Variants in MTUS1 observed in about 807,000 individuals in gnomAD.
The protein encoded by MTUS1 is microtubule-associated tumor suppressor 1.
A neutral mutation model predicts 120.8 loss-of-function variants in MTUS1; 109 were observed. That is an observed-to-expected ratio of 0.90 (90% CI 0.77 to 1.06). The LOEUF is 1.06. Ranked by LOEUF, MTUS1 falls within the 50% of genes least tolerant of loss-of-function variation. The pLI is 0.00. For synonymous variants in MTUS1, 737 were observed against 550.5 expected (o/e 1.34, Z -4.74); for missense variants, 2,210 against 1,486.3 (o/e 1.49, Z -8.01).
At chr8:17,770,477 G>C (rs1300742715) in intron 1 of MTUS1, 2 of 152,176 alleles carry the variant, frequency 1.3e-5, no homozygotes, top group African/African-American at 4.8e-5. Flanking sequence ...TTAAGCAAGA[G>C]ATGTCTTATT....
chr8:17,743,750 G>C lies in MTUS1; in HGVS notation c.2141C>G (p.Pro714Arg), dbSNP rs761108666. 2 of 1,614,156 alleles carry C rather than the reference G, an allele frequency of 1.2e-6. No individual in the cohort carries two copies. The highest frequency in any genetic ancestry group is 1.7e-6 in the Non-Finnish European group (2 of 1,180,026). Residue 714 changes from proline (P) to arginine (R), a missense_variant, in exon 3 of 15, where the codon CCT (proline) becomes CGT (arginine). By Grantham distance (103) the Pro-to-Arg change is moderately radical. Transcript: ENST00000693296. ...TTTSGRNISK[P>R]DSCGLRQIAA... The stretch of plus-strand genomic sequence containing the variant: ...TATTTGCCTCAAACCGCAGGAGTCA[G>C]GCTTGGATATATTCCTACCTGAGGT...
intron 6 of MTUS1, among the ~76,000 whole-genome samples, chr8:17,701,722 T>G (rs1463844276): frequency 6.6e-6 from 1 of 152,068 alleles, no homozygotes; most frequent in Admixed American, 6.5e-5. Flanking sequence ...TAATTTTTTT[T>G]GTATTTTTAG....
intron 9 of MTUS1, 104 bp downstream of exon 9, chr8:17,655,759 A>T: frequency 1.1e-6 from 1 of 950,928 alleles, no homozygotes; most frequent in Non-Finnish European, 1.7e-6. Flanking sequence ...TGCTTTTTAT[A>T]CCTATTAGAC....
chr8:17,646,067 A>G lies in MTUS1; in HGVS notation c.3672T>C (p.Ser1224=), dbSNP rs1805715547. The G allele has an allele frequency of 6.2e-7, 1 of 1,613,624 alleles. No individual in the cohort carries two copies. ...TCCACAGAAGCTCCTCGTTTTCCAT[A>G]GAGAGTCGCTTGTTGACTTTCGACT... ...EKESKVNKRL[S]MENEELLWKL... is the part of the protein sequence containing the mutation. Residue 1224 remains serine (S), a synonymous_variant, in exon 15 of 15, where the codon TCT becomes TCC. Transcript: ENST00000693296.
At chr8:17,764,716 G>A (rs1272452513) in intron 1 of MTUS1, among the ~76,000 whole-genome samples, 1 of 152,208 alleles carries the variant, frequency 6.6e-6, no homozygotes, top group Admixed American at 6.5e-5. Context: ...AAATGAACAA[G>A]CGCAACTGCA....
At chr8:17,655,839 A>T in intron 9 of MTUS1, 24 bp downstream of exon 9, 1 of 1,610,622 alleles carries the variant, frequency 6.2e-7, no homozygotes, top group Non-Finnish European at 8.5e-7. Context: ...GCCTCAGACA[A>T]GCTCTGGCTG....
intron 8 of MTUS1, among the ~76,000 whole-genome samples, chr8:17,660,131 G>A (rs1396914880): frequency 6.6e-6 from 1 of 152,116 alleles, no homozygotes; most frequent in Non-Finnish European, 1.5e-5. Context: ...CCAGCATTTT[G>A]GGAGGCCAAG....
chr8:17,770,366 C>T (rs554541841), intron 1 of MTUS1: 1 of 152,184 alleles, frequency 6.6e-6, no homozygotes, highest in East Asian at 1.9e-4. Flanking sequence ...AAAAAAAATC[C>T]CTTTTGAAAC....
chr8:17,768,440 G>A (rs74356381), intron 1 of MTUS1, among the ~76,000 whole-genome samples: 101 of 152,086 alleles, frequency 6.6e-4, no homozygotes, highest in African/African-American at 2.3e-3. Context: ...AAACTAATTT[G>A]CTTCTTTCTA....
intron 6 of MTUS1, chr8:17,692,108 A>G (rs903621178): frequency 5.3e-5 from 8 of 152,182 alleles, no homozygotes; most frequent in African/African-American, 1.9e-4. Context: ...CACTCCCCTC[A>G]TTTATAATCG....
chr8:17,723,973 A>C (rs1204311399), intron 3 of MTUS1, 140 bp from the exon 4 acceptor site: 1 of 663,874 alleles, frequency 1.5e-6, no homozygotes, highest in Non-Finnish European at 2.5e-6. Flanking sequence ...GTAACTTCAG[A>C]TGAAAGATGA....
At chr8:17,744,758 C>G (rs1359285431) in intron 2 of MTUS1, among the ~76,000 whole-genome samples, 1 of 136,998 alleles carries the variant, frequency 7.3e-6, no homozygotes, top group Non-Finnish European at 1.5e-5. Flanking sequence ...GTTGGTCAGG[C>G]TGGTCTCAAA....
chr8:17,749,637 C>G (rs1280179767), intron 2 of MTUS1, among the ~76,000 whole-genome samples: 1 of 145,890 alleles, frequency 6.9e-6, no homozygotes, highest in African/African-American at 2.6e-5. Flanking sequence ...CACCCCCAGC[C>G]TGGGCAACAG....
intron 13 of MTUS1, among the ~76,000 whole-genome samples, chr8:17,648,626 A>G (rs58551304): frequency 5.3e-5 from 8 of 152,238 alleles, no homozygotes; most frequent in African/African-American, 1.9e-4. Flanking sequence ...CTGATAATTC[A>G]AAATGCTGGT....
At chr8:17,745,115 T>C (rs541499984) in intron 2 of MTUS1, among the ~76,000 whole-genome samples, 5 of 152,332 alleles carry the variant, frequency 3.3e-5, no homozygotes, top group African/African-American at 1.2e-4. Context: ...GCTTTTTTCA[T>C]TAACAAAATT....
chr8:17,765,024 A>G (rs2049357860), intron 1 of MTUS1, among the ~76,000 whole-genome samples: 1 of 152,208 alleles, frequency 6.6e-6, no homozygotes, highest in Non-Finnish European at 1.5e-5. Context: ...GTTTTCCTGT[A>G]AGTAGACAGT....
chr8:17,665,610 C>T (rs1286585329), intron 8 of MTUS1, among the ~76,000 whole-genome samples: 1 of 152,162 alleles, frequency 6.6e-6, no homozygotes, highest in African/African-American at 2.4e-5. Context: ...ATCTGTCCAC[C>T]TCAGCCTCCC....
chr8:17,692,225 T>C (rs2130838329), intron 6 of MTUS1: 1 of 152,258 alleles, frequency 6.6e-6, no homozygotes, highest in Non-Finnish European at 1.5e-5. Flanking sequence ...ACTAGAGAAG[T>C]CACACGCTCT....
intron 8 of MTUS1, among the ~76,000 whole-genome samples, chr8:17,663,334 G>C (rs936920585): frequency 2.0e-5 from 3 of 152,128 alleles, no homozygotes; most frequent in Admixed American, 6.5e-5. Context: ...TAAATGTACT[G>C]TTTACAGAGA....
Sources: allele counts gnomAD v4.1 joint callset (sites outside exome capture counted in the v4.1 genomes callset), GRCh38; gene constraint gnomAD v4.1.1; transcripts MANE v1.5; gene names NCBI Gene and HGNC (gene_info 2026-07-23, HGNC 2026-07-21).